FGF19: variants seen among roughly 807,000 people sequenced by gnomAD.
FGF19 encodes the protein fibroblast growth factor 19, also known as FGF-19.
Under a neutral mutation model 8.9 loss-of-function variants are expected in FGF19, and 5 were observed. That is an observed-to-expected ratio of 0.56 (90% CI 0.29 to 1.18). FGF19 has a LOEUF of 1.18. Among genes scored for constraint, FGF19 ranks in the 50% most tolerant of loss-of-function variants. FGF19 has a pLI of 0.08. For synonymous variants in FGF19, 124 were observed against 128.0 expected, an observed-to-expected ratio of 0.97 and a Z score of 0.21; for missense variants, 237 against 293.9, an observed-to-expected ratio of 0.81 and a Z score of 1.42.
rs1003847322 is a variant in FGF19, at chr11:69,698,716, C to G, written c.*546G>C. ...ACTCCTGAAGCCTGGTGGGCCATGC[C>G]TGCTCCAGTCAGTTCTGGCCTGGAG... On this transcript the variant is annotated 3_prime_UTR_variant, in exon 3 of 3. Transcript: ENST00000294312. 1.0e-4 allele frequency: 20 copies of G among 199,352 alleles called. No individual in the cohort carries two copies. Among genetic ancestry groups the G allele is most frequent in the African/African-American group, 4.4e-4 (19 of 43,284 alleles). The allele number at this position is 199,352 out of a possible 1,614,324, so 12.3% of individuals were successfully genotyped here.
chr11:69,701,026 G>A (rs1565087392), intron 2 of FGF19, among the ~76,000 whole-genome samples: 2 of 152,208 alleles, frequency 1.3e-5, no homozygotes, highest in South Asian at 2.1e-4. Flanking sequence ...CTGCAGGTGG[G>A]TGACGAGGTA....
In FGF19 at chr11:69,699,062, T is replaced by C. The variant is rs1854737729; in HGVS notation, c.*200A>G. ...GCAGCAGCTGGGCAAGCTACAGGCT[T>C]ACAATGTTATGATCAGACAAGTCTA... On this transcript the variant is annotated 3_prime_UTR_variant, in exon 3 of 3. Coordinates refer to ENST00000294312, the MANE Select transcript of FGF19 (RefSeq NM_005117.3). 2 of 573,896 alleles carry C rather than the reference T, an allele frequency of 3.5e-6. No individual in the cohort carries two copies. Among genetic ancestry groups the C allele is most frequent in the East Asian group, 2.9e-5 (1 of 34,732 alleles). 35.6% of individuals were successfully genotyped at this position (573,896 alleles called of 1,614,324 possible).
In FGF19 at chr11:69,703,700, G is replaced by A. The variant is rs888488526; in HGVS notation, c.177C>T (p.Phe59=). 4.1e-6 allele frequency: 5 copies of A among 1,233,002 alleles called. No individual in the cohort carries two copies. The highest frequency in any genetic ancestry group is 5.1e-6 in the Non-Finnish European group (5 of 988,624). The allele number at this position is 1,233,002 out of a possible 1,614,324, so 76.4% of individuals were successfully genotyped here. A position where few individuals can be genotyped will look rare whatever the true frequency, so the allele number is the denominator to read the frequency against. The change falls in exon 1 of 3, where the codon TTC becomes TTT. Residue 59 remains phenylalanine, a synonymous_variant. Transcript: ENST00000294312. The surrounding 1 kb of genome is among the most constrained non-coding windows in gnomAD (Gnocchi z 6.8). ...CGACGCCGTCGGCACGGATGCGCAG[G>A]AAGCAGCTGGAGAGCCCGTGGGGGC... ...TSGPHGLSSC[F]LRIRADGVVD...
Position 69,698,748 on chromosome 11 carries a change from G to A in FGF19, c.*514C>T, listed in dbSNP as rs1424550434. The A allele has an allele frequency of 4.9e-6, 1 of 205,500 alleles. No homozygotes were observed. Among genetic ancestry groups the A allele is most frequent in the Non-Finnish European group, 1.0e-5 (1 of 99,764 alleles). 12.7% of individuals were successfully genotyped at this position (205,500 alleles called of 1,614,324 possible). A position where few individuals can be genotyped will look rare whatever the true frequency, so the allele number is the denominator to read the frequency against. On this transcript the variant is annotated 3_prime_UTR_variant, in exon 3 of 3. Transcript: ENST00000294312. ...AGTCAGTTCTGGCCTGGAGGGATTT[G>A]GGAAGGGCAAATGGTCCCTGGAAGT...
rs559896172 is a variant in FGF19 at position 69,701,796 on chromosome 11, C to A, written c.336+1465G>T. On this transcript the variant is annotated intron_variant, in intron 2 of 2. Transcript: ENST00000294312. Reference sequence around the variant, plus strand: ...CCTGGCCACCAACATGGTGAAACCCCATCTCTACCCAAAATACAAAAGGTA... The same window carrying A: ...CCTGGCCACCAACATGGTGAAACCCAATCTCTACCCAAAATACAAAAGGTA... Among the ~76,000 whole-genome samples the A allele has an allele frequency of 1.5e-4, 23 of 151,590 alleles. No individual in the cohort carries two copies. In the South Asian group the frequency reaches 4.4e-3, roughly 29 times the overall value.
In FGF19 at chr11:69,702,984, C is replaced by G. The variant is rs1854793077; in HGVS notation, c.336+277G>C. Among the ~76,000 whole-genome samples, 1 of 152,196 alleles carries G rather than the reference C, an allele frequency of 6.6e-6. No homozygotes were observed. Among genetic ancestry groups the G allele is most frequent in the Admixed American group, 6.5e-5 (1 of 15,280 alleles). On this transcript the variant is annotated intron_variant, in intron 2 of 2. Transcript: ENST00000294312. This position sits in a 1 kb window ranked among gnomAD's most constrained non-coding sequence, Gnocchi z 4.6. ...AAGGAGGCCGAATAATGGGTTTCCT[C>G]GGTCCGGCTAGGCCGGCCTTTGACT...
chr11:69,703,897 G>T lies in FGF19; in HGVS notation c.-21C>A. On this transcript the variant is annotated 5_prime_UTR_variant, in exon 1 of 3. Transcript: ENST00000294312. This position sits in a 1 kb window ranked among gnomAD's most constrained non-coding sequence, Gnocchi z 6.8. The stretch of plus-strand genomic sequence containing the variant: ...CGCATGGCACCTCCCTGGGGCTCTC[G>T]GCGCAGCTCCGGCGATGGGGGTGCG... 8.1e-7 allele frequency: 1 copy of T among 1,239,890 alleles called. No homozygotes were observed. The highest frequency in any genetic ancestry group is 3.5e-5 in the South Asian group (1 of 28,296). The allele number at this position is 1,239,890 out of a possible 1,614,324, so 76.8% of individuals were successfully genotyped here. A position where few individuals can be genotyped will look rare whatever the true frequency, so the allele number is the denominator to read the frequency against.
Position 69,699,055 on chromosome 11 carries a change from A to C in FGF19, c.*207T>G. 1 of 556,536 alleles carries C rather than the reference A, an allele frequency of 1.8e-6. No individual in the cohort carries two copies. Among genetic ancestry groups the C allele is most frequent in the Non-Finnish European group, 3.2e-6 (1 of 315,418 alleles). 34.5% of individuals were successfully genotyped at this position (556,536 alleles called of 1,614,324 possible). A position where few individuals can be genotyped will look rare whatever the true frequency, so the allele number is the denominator to read the frequency against. ...GGCCCAGGCAGCAGCTGGGCAAGCT[A>C]CAGGCTTACAATGTTATGATCAGAC... On this transcript the variant is annotated 3_prime_UTR_variant, in exon 3 of 3. Coordinates refer to ENST00000294312, the MANE Select transcript of FGF19 (RefSeq NM_005117.3).
At position 69,703,344 on chromosome 11, in the gene FGF19, C is replaced by T. The variant is rs747918000; in HGVS notation, c.253G>A (p.Val85Ile). ...TTGATGGCCACGGTCCGCAGAGCGA[C>T]TGCCTTGATCTCCAGCAAACCTAGG... is the stretch of plus-strand genomic sequence containing the variant. ...SAHSLLEIKA[V>I]ALRTVAIKGV... Residue 85 changes from valine (V) to isoleucine (I), a missense_variant, in exon 2 of 3, where the codon GTC becomes ATC. Val to Ile is a conservative substitution (Grantham distance 29). Transcript: ENST00000294312. The surrounding 1 kb of genome is among the most constrained non-coding windows in gnomAD (Gnocchi z 6.8). 1.1e-5 allele frequency: 18 copies of T among 1,609,538 alleles called. No homozygotes were observed. The highest frequency in any genetic ancestry group is 1.7e-4 in the Middle Eastern group (1 of 6,048).
intron 2 of FGF19, among the ~76,000 whole-genome samples, chr11:69,700,771 G>GCCAGT (rs1854760148): frequency 6.6e-6 from 1 of 151,760 alleles, no homozygotes; most frequent in Admixed American, 6.6e-5. Flanking sequence ...CCTCCCCCAG[G>GCCAGT]CCAGGCCAGG....
chr11:69,703,394 C>G lies in FGF19; in HGVS notation c.233-30G>C, dbSNP rs1854799893. 6.5e-7 allele frequency: 1 copy of G among 1,544,878 alleles called. No homozygotes were observed. The highest frequency in any genetic ancestry group is 1.4e-5 in the African/African-American group (1 of 73,454). On this transcript the variant is annotated intron_variant, in intron 1 of 2. Transcript: ENST00000294312. This position sits in a 1 kb window ranked among gnomAD's most constrained non-coding sequence, Gnocchi z 6.8. ...GCGCAGGGGAAGCGAGAAGCTGCAG[C>G]AAGGACCGCTGGGCCCGCACCACGT... is the stretch of plus-strand genomic sequence containing the variant.
chr11:69,701,725 G>A (rs1304814779), intron 2 of FGF19, among the ~76,000 whole-genome samples: 1 of 152,006 alleles, frequency 6.6e-6, no homozygotes, highest in East Asian at 1.9e-4. Flanking sequence ...AGCACTTTGG[G>A]AGGCCGAGAC....
chr11:69,699,257 C>A lies in FGF19; in HGVS notation c.*5G>T. The stretch of plus-strand genomic sequence containing the variant: ...AGCAGTGAAGAGGCCCGGGCATGGT[C>A]TCAGTTACTTCTCAAAGCTGGGACT... On this transcript the variant is annotated 3_prime_UTR_variant, in exon 3 of 3. Transcript: ENST00000294312. 1 of 1,601,762 alleles carries A rather than the reference C, an allele frequency of 6.2e-7. No individual in the cohort carries two copies. Among genetic ancestry groups the A allele is most frequent in the South Asian group, 1.1e-5 (1 of 88,850 alleles).
In FGF19 at chr11:69,699,244, G is replaced by T; in HGVS notation, c.*18C>A. 6.3e-7 allele frequency: 1 copy of T among 1,584,054 alleles called. No individual in the cohort carries two copies. ...CACAGCCCCTGGCAGCAGTGAAGAG[G>T]CCCGGGCATGGTCTCAGTTACTTCT... is the stretch of plus-strand genomic sequence containing the variant. On this transcript the variant is annotated 3_prime_UTR_variant, in exon 3 of 3. Coordinates refer to ENST00000294312, the MANE Select transcript of FGF19 (RefSeq NM_005117.3).
chr11:69,702,914 G>C lies in FGF19; in HGVS notation c.336+347C>G, dbSNP rs1484594952. Among the ~76,000 whole-genome samples the C allele has an allele frequency of 1.3e-5, 2 of 152,052 alleles. No individual in the cohort carries two copies. Among genetic ancestry groups the C allele is most frequent in the Non-Finnish European group, 2.9e-5 (2 of 67,990 alleles). On this transcript the variant is annotated intron_variant, in intron 2 of 2. Transcript: ENST00000294312. The surrounding 1 kb of genome is among the most constrained non-coding windows in gnomAD (Gnocchi z 4.6). ...GGAGGCGAGGACCACACACGCGCAG[G>C]CAGAGGCTGAAAAGGCCCGAGGTGG...
chr11:69,700,854 C>T (rs920690908), intron 2 of FGF19, among the ~76,000 whole-genome samples: 2 of 152,360 alleles, frequency 1.3e-5, no homozygotes, highest in East Asian at 1.9e-4. Flanking sequence ...TCATAGTCCA[C>T]GGGGTTGAGA....
chr11:69,701,679 G>T (rs759816203), intron 2 of FGF19, among the ~76,000 whole-genome samples: 1 of 151,438 alleles, frequency 6.6e-6, no homozygotes, highest in East Asian at 1.9e-4. Flanking sequence ...AGGCACAAAG[G>T]GGGCTGGGCG....
At chr11:69,701,606 CAAAAAAAA>C (rs35300469) in intron 2 of FGF19, among the ~76,000 whole-genome samples, 4 of 59,882 alleles carry the variant, frequency 6.7e-5, no homozygotes, top group African/African-American at 3.0e-4. Context: ...GACTCCGTCT[CAAAAAAAA>C]AAAAAAAAAA....
In FGF19 at chr11:69,703,402, G is replaced by T; in HGVS notation, c.233-38C>A. ...GAAGCGAGAAGCTGCAGCAAGGACCGCTGGGCCCGCACCACGTGGGTGCGG... is the reference window on the plus strand; with the variant it reads ...GAAGCGAGAAGCTGCAGCAAGGACCTCTGGGCCCGCACCACGTGGGTGCGG... On this transcript the variant is annotated intron_variant, in intron 1 of 2. Transcript: ENST00000294312. This position sits in a 1 kb window ranked among gnomAD's most constrained non-coding sequence, Gnocchi z 6.8. The T allele has an allele frequency of 6.7e-7, 1 of 1,494,566 alleles. No individual in the cohort carries two copies. The highest frequency in any genetic ancestry group is 9.2e-7 in the Non-Finnish European group (1 of 1,091,904). 92.6% of individuals were successfully genotyped at this position (1,494,566 alleles called of 1,614,324 possible). A position where few individuals can be genotyped will look rare whatever the true frequency, so the allele number is the denominator to read the frequency against.
Sources: gnomAD v4.1 joint callset for allele counts (sites outside exome capture counted in the v4.1 genomes callset) on GRCh38, gnomAD v4.1.1 for gene constraint, Gnocchi (gnomAD v3.1) non-coding constraint, MANE v1.5 for transcripts, NCBI Gene and HGNC (gene_info 2026-07-23, HGNC 2026-07-21) for gene names.